The following CLNK variants were observed in gnomAD, a reference collection of about 807,000 sequenced individuals.
The protein encoded by CLNK is cytokine-dependent hematopoietic cell linker.
CLNK carries 74 observed loss-of-function variants against 68.6 expected under a neutral mutation model. That is an observed-to-expected ratio of 1.08 (90% CI 0.89 to 1.31). The LOEUF (loss-of-function observed/expected upper bound fraction) is 1.31, where lower values mean the gene tolerates loss of function less well. CLNK is among the 50% of genes most tolerant of loss of function. The pLI is 0.00. For missense variants in CLNK, 553 were observed against 515.3 expected, an observed-to-expected ratio of 1.07 and a Z score of -0.71; for synonymous variants, 198 against 172.2, an observed-to-expected ratio of 1.15 and a Z score of -1.17.
the CLNK span, among the ~76,000 whole-genome samples, chr4:10,732,904 A>G: frequency 1.3e-5 from 2 of 152,176 alleles, no homozygotes; most frequent in Non-Finnish European, 2.9e-5. Context: ...AGAGAATAAT[A>G]TGAATTATTT....
At position 10,508,089 on chromosome 4, in the gene CLNK, T is replaced by C; in HGVS notation, c.907-53A>G. 3 of 1,362,794 alleles carry C rather than the reference T, an allele frequency of 2.2e-6. 1 individual carries two copies. The highest frequency in any genetic ancestry group is 3.1e-6 in the Non-Finnish European group (3 of 977,256). 84.4% of individuals were successfully genotyped at this position (1,362,794 alleles called of 1,614,324 possible). A position where few individuals can be genotyped will look rare whatever the true frequency, so the allele number is the denominator to read the frequency against. On this transcript the variant is annotated intron_variant, in intron 16 of 18. Coordinates refer to ENST00000226951, the MANE Select transcript of CLNK (RefSeq NM_052964.4). ...TTTAGGGTCAATGGGAAGTATGAAT[T>C]ATTGATTAATTAATTCAAAATTTAC...
intron 16 of CLNK, among the ~76,000 whole-genome samples, chr4:10,508,846 TG>T (rs1234996153): frequency 1.3e-5 from 2 of 151,876 alleles, no homozygotes; most frequent in Non-Finnish European, 2.9e-5. Context: ...GGTGGCTCAA[TG>T]CCTGTAATCC....
chr4:10,518,626 C>T (rs1003833788), intron 15 of CLNK, among the ~76,000 whole-genome samples: 4 of 152,114 alleles, frequency 2.6e-5, no homozygotes, highest in African/African-American at 4.8e-5. Context: ...TTTTTTCTCT[C>T]CTGAGATCCA....
chr4:10,534,673 G>T (rs930328098), intron 11 of CLNK, among the ~76,000 whole-genome samples: 3 of 152,164 alleles, frequency 2.0e-5, no homozygotes, highest in Non-Finnish European at 2.9e-5. Flanking sequence ...TACATTTGCA[G>T]AACATTTTAA....
At chr4:10,618,049 G>C (rs1182236864) in intron 2 of CLNK, among the ~76,000 whole-genome samples, 1 of 152,098 alleles carries the variant, frequency 6.6e-6, no homozygotes, top group East Asian at 1.9e-4. Flanking sequence ...AAATAAAAAT[G>C]TATGTTCACA....
chr4:10,495,881 C>T (rs971976738), intron 18 of CLNK, among the ~76,000 whole-genome samples: 2 of 151,988 alleles, frequency 1.3e-5, no homozygotes, highest in African/African-American at 2.4e-5. Flanking sequence ...ACTGGAGCGA[C>T]GTGGCCATAA....
intron 2 of CLNK, among the ~76,000 whole-genome samples, chr4:10,645,474 T>A (rs1405436185): frequency 1.3e-5 from 2 of 152,214 alleles, no homozygotes; most frequent in Non-Finnish European, 2.9e-5. Context: ...TAAATCTCCA[T>A]GCTTAAATAG....
At chr4:10,729,957 A>C in the CLNK span, among the ~76,000 whole-genome samples, 33 of 152,234 alleles carry the variant, frequency 2.2e-4, no homozygotes, top group Non-Finnish European at 3.7e-4. Flanking sequence ...TTTGTTTTTG[A>C]AAAACAAATG....
intron 8 of CLNK, among the ~76,000 whole-genome samples, chr4:10,549,677 T>G (rs1274274844): frequency 6.6e-6 from 1 of 152,196 alleles, no homozygotes; most frequent in Non-Finnish European, 1.5e-5. Flanking sequence ...ACTATTATTA[T>G]AGTATGAAAA....
the CLNK span, among the ~76,000 whole-genome samples, chr4:10,713,774 T>C: frequency 0.015 from 2,295 of 152,218 alleles, 64 homozygotes; most frequent in African/African-American, 0.052. Context: ...ATTCTTCCCT[T>C]GCTCCTTCTC....
chr4:10,697,150 C>T, the CLNK span: 1 of 152,148 alleles, frequency 6.6e-6, no homozygotes, highest in African/African-American at 2.4e-5. Context: ...CTCATGATTG[C>T]AAAATAAATA....
At chr4:10,628,583 T>C (rs1201916989) in intron 2 of CLNK, among the ~76,000 whole-genome samples, 1 of 152,172 alleles carries the variant, frequency 6.6e-6, no homozygotes, top group Non-Finnish European at 1.5e-5. Flanking sequence ...TGAGGGGCCT[T>C]GGAGGCAGAG....
chr4:10,586,186 T>G (rs1720958646), intron 3 of CLNK, among the ~76,000 whole-genome samples: 3 of 152,266 alleles, frequency 2.0e-5, no homozygotes, highest in Admixed American at 6.5e-5. Context: ...CACAGACCAG[T>G]ACTGGTTCGT....
chr4:10,492,902 T>C (rs1407844209), intron 18 of CLNK, among the ~76,000 whole-genome samples: 1 of 152,238 alleles, frequency 6.6e-6, no homozygotes, highest in Non-Finnish European at 1.5e-5. Context: ...GTTTGTCTTT[T>C]CACACCCAAA....
rs1257208505 is a variant in CLNK at position 10,601,175 on chromosome 4, T to C, written c.12-3126A>G. Among the ~76,000 whole-genome samples, 4 of 152,058 alleles carry C rather than the reference T, an allele frequency of 2.6e-5. No homozygotes were observed. In the East Asian group the frequency reaches 7.7e-4, roughly 29 times the overall value. On this transcript the variant is annotated intron_variant, in intron 2 of 18. Transcript: ENST00000226951. ...ATTTAGTTCCAGGTGGCCAGGCTAG[T>C]TGGGGGTAGAACCAGGGCTACACAT...
chr4:10,570,531 C>T (rs1006467477), intron 5 of CLNK, among the ~76,000 whole-genome samples: 3 of 152,194 alleles, frequency 2.0e-5, no homozygotes, highest in East Asian at 3.9e-4. Flanking sequence ...TACCCATGAA[C>T]CTTTTAATTT....
At chr4:10,717,520 C>T in the CLNK span, among the ~76,000 whole-genome samples, 10 of 152,148 alleles carry the variant, frequency 6.6e-5, no homozygotes, top group Admixed American at 2.0e-4. Flanking sequence ...TGCTTGAACC[C>T]GGGAGGCAGA....
intron 17 of CLNK, among the ~76,000 whole-genome samples, chr4:10,502,158 TA>T (rs1056251190): frequency 2.4e-4 from 37 of 152,160 alleles, no homozygotes; most frequent in African/African-American, 8.2e-4. Flanking sequence ...CACACTTCTA[TA>T]AAGAAATACC....
At chr4:10,612,721 T>C (rs1296662503) in intron 2 of CLNK, among the ~76,000 whole-genome samples, 1 of 152,198 alleles carries the variant, frequency 6.6e-6, no homozygotes, top group Non-Finnish European at 1.5e-5. Flanking sequence ...ATCTATCTTA[T>C]CATGTTGTCT....
Sources: gnomAD v4.1 joint callset for allele counts (sites outside exome capture counted in the v4.1 genomes callset) on GRCh38, gnomAD v4.1.1 for gene constraint, MANE v1.5 for transcripts, NCBI Gene and HGNC (gene_info 2026-07-23, HGNC 2026-07-21) for gene names.